EIPR1: variants seen among roughly 807,000 people sequenced by gnomAD.
EIPR1 encodes the protein EARP complex and GARP complex interacting protein 1.
A neutral mutation model predicts 48.1 loss-of-function variants in EIPR1; 25 were observed. The observed-to-expected ratio is 0.52, with a 90% CI of 0.38 to 0.73. The LOEUF (loss-of-function observed/expected upper bound fraction) is 0.73. EIPR1 is among the 30% of genes least tolerant of loss of function. The probability of loss-of-function intolerance (pLI) is 0.00; values close to 1 mark genes in which losing one functional copy is unlikely to be tolerated. For missense variants in EIPR1, 415 were observed against 506.2 expected (o/e 0.82, Z 1.73); for synonymous variants, 204 against 201.9 (o/e 1.01, Z -0.09).
At chr2:3,254,127 G>A (rs1572359288) in intron 4 of EIPR1, among the ~76,000 whole-genome samples, 1 of 152,064 alleles carries the variant, frequency 6.6e-6, no homozygotes, top group Admixed American at 6.6e-5. Context: ...GACCCCAAAG[G>A]GCAGCCTTCA....
intron 4 of EIPR1, among the ~76,000 whole-genome samples, chr2:3,229,299 C>G (rs555946106): frequency 6.6e-6 from 1 of 152,326 alleles, no homozygotes; most frequent in South Asian, 2.1e-4. Context: ...GTTTACACTT[C>G]GTGTGCCTGC....
intron 4 of EIPR1, among the ~76,000 whole-genome samples, chr2:3,218,891 G>C: frequency 6.9e-6 from 1 of 145,732 alleles, no homozygotes; most frequent in South Asian, 2.3e-4. Context: ...TTCACAGTGA[G>C]TCAGGTGCAC....
intron 3 of EIPR1, among the ~76,000 whole-genome samples, chr2:3,296,406 TC>T (rs1668597800): frequency 1.2e-5 from 1 of 86,106 alleles, no homozygotes; most frequent in Non-Finnish European, 2.2e-5. Context: ...ACACCCTCCA[TC>T]CAGCTCACCC....
At chr2:3,247,919 A>G (rs554526858) in intron 4 of EIPR1, among the ~76,000 whole-genome samples, 1 of 152,218 alleles carries the variant, frequency 6.6e-6, no homozygotes, top group South Asian at 2.1e-4. Context: ...AATTTTATTA[A>G]TTCTTCTTAT....
At chr2:3,235,419 TGCGCACACACACACACACACGCGTGC>T in intron 4 of EIPR1, among the ~76,000 whole-genome samples, 1 of 151,546 alleles carries the variant, frequency 6.6e-6, no homozygotes, top group African/African-American at 2.4e-5. Flanking sequence ...TGCATGCGGG[TGCGCACACACACACACACACGCGTGC>T]GCGCACACAC....
At chr2:3,323,292 C>G (rs1669591283) in intron 3 of EIPR1, among the ~76,000 whole-genome samples, 1 of 152,180 alleles carries the variant, frequency 6.6e-6, no homozygotes, top group South Asian at 2.1e-4. Flanking sequence ...AGGAACGAGG[C>G]TTCTGGCAGG....
At chr2:3,216,207 G>C (rs781120399) in intron 4 of EIPR1, among the ~76,000 whole-genome samples, 1 of 152,184 alleles carries the variant, frequency 6.6e-6, no homozygotes, top group Non-Finnish European at 1.5e-5. Flanking sequence ...CACAGATCTC[G>C]TGCTGGTGGA....
At chr2:3,203,239 G>A (rs1212212537) in intron 5 of EIPR1, among the ~76,000 whole-genome samples, 3 of 152,220 alleles carry the variant, frequency 2.0e-5, no homozygotes, top group Non-Finnish European at 4.4e-5. Context: ...AATAACGTAC[G>A]TTGAGAGGGA....
chr2:3,338,387 G>C (rs1670131299), intron 2 of EIPR1, among the ~76,000 whole-genome samples: 1 of 152,200 alleles, frequency 6.6e-6, no homozygotes, highest in African/African-American at 2.4e-5. Context: ...ACGTAAGACT[G>C]CCATCCGGTC....
intron 3 of EIPR1, among the ~76,000 whole-genome samples, chr2:3,279,674 G>A (rs544791278): frequency 1.6e-4 from 25 of 152,258 alleles, no homozygotes; most frequent in Non-Finnish European, 1.8e-4. Flanking sequence ...AGAAGGTATG[G>A]AATGGTGAAT....
In EIPR1 at chr2:3,192,551, A is replaced by G. The variant is rs754149299; in HGVS notation, c.852T>C (p.His284=). The change falls in exon 8 of 9, where the codon CAT becomes CAC. Residue 284 remains histidine (H), a synonymous_variant. Coordinates refer to ENST00000382125, the MANE Select transcript of EIPR1 (RefSeq NM_003310.5). ...WVWNVRYNHS[H]DQLVLTGSSD... is the part of the protein sequence containing the mutation. The stretch of plus-strand genomic sequence containing the variant: ...TGCTGCCCGTGAGGACCAGCTGGTC[A>G]TGAGAGTGGTTGTAGCGGACGTTCC... 3 of 1,612,576 alleles carry G rather than the reference A, an allele frequency of 1.9e-6. No homozygotes were observed. The highest frequency in any genetic ancestry group is 2.5e-6 in the Non-Finnish European group (3 of 1,179,730).
chr2:3,229,736 A>G (rs1433819551), intron 4 of EIPR1, among the ~76,000 whole-genome samples: 1 of 152,130 alleles, frequency 6.6e-6, no homozygotes, highest in African/African-American at 2.4e-5. Context: ...TTTTTGCTTT[A>G]TGCGGTGCTT....
intron 3 of EIPR1, among the ~76,000 whole-genome samples, chr2:3,269,664 A>ACACTCAATCATCACACTCAATCATCG (rs1667641294): frequency 4.3e-5 from 5 of 115,940 alleles, no homozygotes; most frequent in African/African-American, 1.6e-4. Context: ...CTCAATCATC[A>ACACTCAATCATCACACTCAATCATCG]CACTCAATCA....
intron 3 of EIPR1, among the ~76,000 whole-genome samples, chr2:3,317,045 A>G (rs1669325781): frequency 6.6e-6 from 1 of 152,084 alleles, no homozygotes; most frequent in Non-Finnish European, 1.5e-5. Context: ...TGTACCTTGC[A>G]CATGGGGTGG....
intron 1 of EIPR1, among the ~76,000 whole-genome samples, chr2:3,365,098 C>A (rs1184053071): frequency 1.3e-5 from 2 of 151,208 alleles, no homozygotes; most frequent in African/African-American, 4.9e-5. Flanking sequence ...TACCCTGAAA[C>A]TATATACATT....
chr2:3,352,711 G>A (rs1422658575), intron 2 of EIPR1, among the ~76,000 whole-genome samples: 1 of 152,208 alleles, frequency 6.6e-6, no homozygotes, highest in African/African-American at 2.4e-5. Context: ...GAAAAAGGAT[G>A]AGTGGCTGGG....
At chr2:3,302,891 AG>A (rs1404454978) in intron 3 of EIPR1, among the ~76,000 whole-genome samples, 2 of 152,192 alleles carry the variant, frequency 1.3e-5, no homozygotes, top group African/African-American at 2.4e-5. Context: ...ACAGAGGAAA[AG>A]GGCAGAAGCT....
At position 3,302,338 on chromosome 2, in the gene EIPR1, T is replaced by C. The variant is rs567523443; in HGVS notation, c.259+35679A>G. On this transcript the variant is annotated intron_variant, in intron 3 of 8. Transcript: ENST00000382125. ...CAAGACCCTGTCTCTACAAAAAATT[T>C]AAATGTTAACAATTAATTAAAATTT... 2.0e-5 allele frequency among the ~76,000 whole-genome samples: 3 copies of C among 152,310 alleles called. No individual in the cohort carries two copies. The South Asian group carries it at 6.2e-4, about 32-fold the overall frequency.
intron 4 of EIPR1, among the ~76,000 whole-genome samples, chr2:3,256,007 C>T (rs1051362433): frequency 1.3e-5 from 2 of 152,172 alleles, no homozygotes; most frequent in Non-Finnish European, 2.9e-5. Flanking sequence ...GGCAATCACT[C>T]CTGGGGACTT....
Sources: gnomAD v4.1 joint callset for allele counts (sites outside exome capture counted in the v4.1 genomes callset) on GRCh38, gnomAD v4.1.1 for gene constraint, MANE v1.5 for transcripts, NCBI Gene and HGNC (gene_info 2026-07-23, HGNC 2026-07-21) for gene names.